The following TBCEL variants were observed in gnomAD, a reference collection of about 807,000 sequenced individuals.
TBCEL encodes the protein tubulin folding cofactor E like.
Under a neutral mutation model 44.2 loss-of-function variants are expected in TBCEL, and 15 were observed. The observed-to-expected ratio is 0.34, with a 90% CI of 0.23 to 0.52. The LOEUF is 0.52. Ranked by LOEUF, TBCEL falls within the 20% of genes least tolerant of loss-of-function variation. The pLI is 0.95. For missense variants in TBCEL, 319 were observed against 506.3 expected (o/e 0.63, Z 3.55); for synonymous variants, 171 against 185.4 (o/e 0.92, Z 0.63).
At chr11:121,052,509 A>G (rs1945546749) in intron 4 of TBCEL, among the ~76,000 whole-genome samples, 2 of 151,856 alleles carry the variant, frequency 1.3e-5, no homozygotes, top group Non-Finnish European at 2.9e-5. Flanking sequence ...AACTAATCCT[A>G]ACTACTCTTT....
chr11:121,065,089 G>A (rs1248827023), intron 8 of TBCEL, among the ~76,000 whole-genome samples: 20 of 152,176 alleles, frequency 1.3e-4, no homozygotes, highest in Admixed American at 1.3e-3. Flanking sequence ...GCCTCCCAAA[G>A]TGCTGGGATT....
rs561196677 is a variant in TBCEL, at chr11:121,090,364, G to A, written c.*3268G>A. On this transcript the variant is annotated 3_prime_UTR_variant, in exon 9 of 9. Coordinates refer to ENST00000683345, the MANE Select transcript of TBCEL (RefSeq NM_001363644.2). Reference sequence around the variant, plus strand: ...TGAGTGTAGCTTGCTACATGAAAATGCTAGGCTCTAGGGCATGTAAAACAT... The same window carrying A: ...TGAGTGTAGCTTGCTACATGAAAATACTAGGCTCTAGGGCATGTAAAACAT... 2 of 152,116 alleles carry A rather than the reference G, an allele frequency of 1.3e-5. No homozygotes were observed. Among genetic ancestry groups the A allele is most frequent in the Non-Finnish European group, 2.9e-5 (2 of 68,024 alleles). 9.4% of individuals were successfully genotyped at this position (152,116 alleles called of 1,614,324 possible). A position where few individuals can be genotyped will look rare whatever the true frequency, so the allele number is the denominator to read the frequency against.
chr11:121,045,370 A>G (rs1004284383), intron 2 of TBCEL, among the ~76,000 whole-genome samples: 1 of 152,120 alleles, frequency 6.6e-6, no homozygotes, highest in African/African-American at 2.4e-5. Flanking sequence ...CATGAATCCT[A>G]TGTACCAGCC....
intron 8 of TBCEL, among the ~76,000 whole-genome samples, chr11:121,067,602 GT>G (rs776741721): frequency 2.3e-4 from 35 of 152,138 alleles, no homozygotes; most frequent in Middle Eastern, 3.2e-3. Context: ...CCATCATACT[GT>G]TTGCTTTTCC....
At chr11:121,069,040 C>G (rs145119545) in intron 8 of TBCEL, among the ~76,000 whole-genome samples, 1,583 of 152,244 alleles carry the variant, frequency 0.01, 10 homozygotes, top group Non-Finnish European at 0.016. Flanking sequence ...ACACCTTATC[C>G]GAGATTCCTT....
At chr11:121,042,976 A>G (rs2134912284) in intron 2 of TBCEL, among the ~76,000 whole-genome samples, 1 of 152,308 alleles carries the variant, frequency 6.6e-6, no homozygotes, top group East Asian at 1.9e-4. Flanking sequence ...CTTAGAATTA[A>G]CATTTATATA....
intron 4 of TBCEL, among the ~76,000 whole-genome samples, chr11:121,049,953 G>T (rs1039613636): frequency 6.6e-6 from 1 of 151,708 alleles, no homozygotes; most frequent in Non-Finnish European, 1.5e-5. Flanking sequence ...CTCAGTTTGT[G>T]TATTCCTAAG....
rs1181430732 is a variant in TBCEL, at chr11:121,055,232, G to T, written c.636G>T (p.Leu212Phe). Reference protein sequence around the residue: ...LDTLVLANNHLNAIEEPDDSL... With the variant: ...LDTLVLANNHFNAIEEPDDSL... ...CCCTCGTCCTGGCCAACAATCATTT[G>T]AATGCTATTGAGGAGCCTGATGATT... Residue 212 changes from leucine to phenylalanine, a missense_variant, in exon 6 of 9, where the codon TTG becomes TTT. Physicochemically the swap from Leu to Phe is conservative, Grantham distance 22. Coordinates refer to ENST00000683345, the MANE Select transcript of TBCEL (RefSeq NM_001363644.2). 5 of 1,612,052 alleles carry T rather than the reference G, an allele frequency of 3.1e-6. No individual in the cohort carries two copies. The highest frequency in any genetic ancestry group is 3.4e-6 in the Non-Finnish European group (4 of 1,178,954).
At chr11:121,064,895 C>T (rs190301649) in intron 8 of TBCEL, among the ~76,000 whole-genome samples, 5 of 152,106 alleles carry the variant, frequency 3.3e-5, no homozygotes, top group East Asian at 1.9e-4. Flanking sequence ...GGTGCAATCT[C>T]GGCTCATTGC....
intron 8 of TBCEL, among the ~76,000 whole-genome samples, chr11:121,084,480 AT>A (rs1474889428): frequency 6.6e-6 from 1 of 151,886 alleles, no homozygotes; most frequent in Non-Finnish European, 1.5e-5. Flanking sequence ...TTTACTTATT[AT>A]GTGTTCCTCT....
rs754551601 is a variant in TBCEL at position 121,030,363 on chromosome 11, C to T, written c.-126+6072C>T. On this transcript the variant is annotated intron_variant, in intron 1 of 8. Coordinates refer to ENST00000683345, the MANE Select transcript of TBCEL (RefSeq NM_001363644.2). Reference sequence around the variant, plus strand: ...ATTTTATTCTGCATGTGAAGGGGAGCCATTGGAGAGTGTAAAGGACATGAT... The same window carrying T: ...ATTTTATTCTGCATGTGAAGGGGAGTCATTGGAGAGTGTAAAGGACATGAT... 9.2e-5 allele frequency among the ~76,000 whole-genome samples: 14 copies of T among 152,002 alleles called. 1 individual carries two copies. The highest frequency in any genetic ancestry group is 2.1e-4 in the Non-Finnish European group (14 of 68,018).
chr11:121,079,270 A>G (rs1293180992), intron 8 of TBCEL, among the ~76,000 whole-genome samples: 2 of 152,222 alleles, frequency 1.3e-5, no homozygotes, highest in African/African-American at 4.8e-5. Context: ...AAAAGAAAAG[A>G]GAGCCCAGGA....
At chr11:121,037,623 G>A (rs1000448968) in intron 2 of TBCEL, among the ~76,000 whole-genome samples, 2 of 152,176 alleles carry the variant, frequency 1.3e-5, no homozygotes, top group Non-Finnish European at 2.9e-5. Context: ...TGCACTTCTT[G>A]ACATGGAAAA....
At chr11:121,032,617 T>G (rs1380211003) in intron 1 of TBCEL, among the ~76,000 whole-genome samples, 1 of 152,222 alleles carries the variant, frequency 6.6e-6, no homozygotes, top group East Asian at 1.9e-4. Flanking sequence ...TGCAGCTTCC[T>G]CGTGCTTCAT....
At chr11:121,030,654 G>A (rs1471313983) in intron 1 of TBCEL, among the ~76,000 whole-genome samples, 1 of 152,164 alleles carries the variant, frequency 6.6e-6, no homozygotes, top group African/African-American at 2.4e-5. Flanking sequence ...GGAATGAGTG[G>A]AAGAGGAGCA....
chr11:121,063,349 A>G (rs1945760398), intron 8 of TBCEL, among the ~76,000 whole-genome samples: 1 of 152,164 alleles, frequency 6.6e-6, no homozygotes, highest in Admixed American at 6.5e-5. Flanking sequence ...CCATAGTTAT[A>G]TTTTTAAAAA....
At chr11:121,025,362 AG>A (rs1945027170) in intron 1 of TBCEL, among the ~76,000 whole-genome samples, 1 of 152,080 alleles carries the variant, frequency 6.6e-6, no homozygotes, top group Non-Finnish European at 1.5e-5. Context: ...TTGGGTCCTG[AG>A]ATGCATTAGA....
intron 8 of TBCEL, among the ~76,000 whole-genome samples, chr11:121,068,799 A>C (rs1287531320): frequency 1.3e-5 from 2 of 151,904 alleles, no homozygotes; most frequent in Admixed American, 1.3e-4. Context: ...AGGGAGGAGA[A>C]TCACTTGAAC....
rs1486802417 is a variant in TBCEL at position 121,047,380 on chromosome 11, C to T, written c.134-148C>T. On this transcript the variant is annotated intron_variant, in intron 3 of 8. Coordinates refer to ENST00000683345, the MANE Select transcript of TBCEL (RefSeq NM_001363644.2). ...CTGTCTCCTCTTAGGATTCAGTACC[C>T]TTTGGTCCCATTATATCCTGTATTT... 5.3e-6 allele frequency: 5 copies of T among 943,620 alleles called. No individual in the cohort carries two copies. The Admixed American group carries it at 1.3e-4, about 24-fold the overall frequency. The allele number at this position is 943,620 out of a possible 1,614,324, so 58.5% of individuals were successfully genotyped here.
Sources: allele counts gnomAD v4.1 joint callset (sites outside exome capture counted in the v4.1 genomes callset), GRCh38; gene constraint gnomAD v4.1.1; transcripts MANE v1.5; gene names NCBI Gene and HGNC (gene_info 2026-07-23, HGNC 2026-07-21).